PRKAR2B: variants seen among roughly 807,000 people sequenced by gnomAD.
The protein encoded by PRKAR2B is cAMP-dependent protein kinase type II-beta regulatory subunit.
A neutral mutation model predicts 49.9 loss-of-function variants in PRKAR2B; 14 were observed. That is an observed-to-expected ratio of 0.28 (90% CI 0.19 to 0.44). The LOEUF is 0.44. Among genes scored for constraint, PRKAR2B ranks in the 20% least tolerant of loss-of-function variants. PRKAR2B has a pLI of 1.00. For missense variants in PRKAR2B, 393 were observed against 537.9 expected (o/e 0.73, Z 2.67); for synonymous variants, 196 against 197.7 (o/e 0.99, Z 0.07).
At chr7:107,117,475 T>C (rs576852788) in intron 2 of PRKAR2B, among the ~76,000 whole-genome samples, 5 of 152,342 alleles carry the variant, frequency 3.3e-5, no homozygotes, top group East Asian at 3.9e-4. Flanking sequence ...CTGTGCAAAC[T>C]GTATTTGCCT....
intron 2 of PRKAR2B, chr7:107,082,090 T>C (rs1460276354): frequency 6.6e-6 from 1 of 152,234 alleles, no homozygotes; most frequent in East Asian, 1.9e-4. Flanking sequence ...AGTGGTAATC[T>C]GCAGGAGAAA....
chr7:107,048,746 TC>T, intron 1 of PRKAR2B, among the ~76,000 whole-genome samples: 1 of 152,172 alleles, frequency 6.6e-6, no homozygotes, highest in Non-Finnish European at 1.5e-5. Flanking sequence ...TTCCTACCTT[TC>T]CAAAGGATCC....
intron 2 of PRKAR2B, among the ~76,000 whole-genome samples, chr7:107,097,463 C>G (rs970687765): frequency 2.0e-5 from 3 of 152,108 alleles, no homozygotes; most frequent in Non-Finnish European, 2.9e-5. Context: ...TCTTTATCCA[C>G]TTTGTCAGTC....
intron 2 of PRKAR2B, among the ~76,000 whole-genome samples, chr7:107,100,686 T>C (rs1172535600): frequency 6.6e-6 from 1 of 152,202 alleles, no homozygotes; most frequent in East Asian, 1.9e-4. Flanking sequence ...TCATTCTTTT[T>C]TTCCGTTTTT....
intron 5 of PRKAR2B, among the ~76,000 whole-genome samples, chr7:107,144,209 C>G (rs1244721551): frequency 1.3e-5 from 2 of 151,882 alleles, no homozygotes; most frequent in Non-Finnish European, 2.9e-5. Flanking sequence ...CCTCAACCTC[C>G]CGAGTAGCTG....
chr7:107,155,417 C>T (rs747394625), intron 8 of PRKAR2B, among the ~76,000 whole-genome samples: 3 of 152,050 alleles, frequency 2.0e-5, no homozygotes, highest in East Asian at 1.9e-4. Flanking sequence ...TAAATAAATA[C>T]GGGTTCTAGA....
chr7:107,051,474 G>A (rs2116747475), intron 1 of PRKAR2B, among the ~76,000 whole-genome samples: 1 of 152,176 alleles, frequency 6.6e-6, no homozygotes. Flanking sequence ...AGTTGTGGTT[G>A]GGACAGTCAC....
chr7:107,065,618 A>C (rs1794122732), intron 1 of PRKAR2B, among the ~76,000 whole-genome samples: 1 of 152,064 alleles, frequency 6.6e-6, no homozygotes, highest in Non-Finnish European at 1.5e-5. Context: ...ACTAGACTTA[A>C]TAAGCTCTTC....
intron 2 of PRKAR2B, among the ~76,000 whole-genome samples, chr7:107,107,804 C>G (rs1024555574): frequency 6.6e-6 from 1 of 151,926 alleles, no homozygotes; most frequent in Admixed American, 6.6e-5. Context: ...ACTATAGGTG[C>G]GCGCCACCAT....
chr7:107,078,224 A>AGAAAG (rs1437527510), intron 2 of PRKAR2B: 1 of 152,454 alleles, frequency 6.6e-6, no homozygotes, highest in Non-Finnish European at 1.5e-5. Flanking sequence ...AAAAGAAAAA[A>AGAAAG]GAAAAGAAAA....
chr7:107,154,598 C>A (rs257371), intron 8 of PRKAR2B, among the ~76,000 whole-genome samples: 24,132 of 152,138 alleles, frequency 0.16, 2,113 homozygotes, highest in Middle Eastern at 0.2. Flanking sequence ...TACATATACA[C>A]CCTATATTCT....
rs1457846160 is a variant in PRKAR2B, at chr7:107,044,774, G to A, written c.-134G>A. 67 of 437,088 alleles carry A rather than the reference G, an allele frequency of 1.5e-4. No homozygotes were observed. The highest frequency in any genetic ancestry group is 2.0e-4 in the African/African-American group (9 of 46,144). The allele number at this position is 437,088 out of a possible 1,614,324, so 27.1% of individuals were successfully genotyped here. A position where few individuals can be genotyped will look rare whatever the true frequency, so the allele number is the denominator to read the frequency against. On this transcript the variant is annotated 5_prime_UTR_variant, in exon 1 of 11. Coordinates refer to ENST00000265717, the MANE Select transcript of PRKAR2B (RefSeq NM_002736.3). ...CGCGGGCCGGGCCAGCCGGGCCGCC[G>A]GGGCCCAGTGCGCCGCGCTCGCAGC... is the stretch of plus-strand genomic sequence containing the variant.
intron 1 of PRKAR2B, among the ~76,000 whole-genome samples, chr7:107,060,059 A>G (rs1793996056): frequency 2.2e-5 from 2 of 89,690 alleles, no homozygotes; most frequent in African/African-American, 1.3e-4. Context: ...TGGAAAATAT[A>G]GTTTTTTTAA....
chr7:107,060,023 T>TTGTTTACTTGTTTACAAGTAAAACA (rs1793995265), intron 1 of PRKAR2B, among the ~76,000 whole-genome samples: 1 of 148,978 alleles, frequency 6.7e-6, no homozygotes, highest in Admixed American at 6.8e-5. Flanking sequence ...AAAGTCATTC[T>TTGTTTACTTGTTTACAAGTAAAACA]AAATTTTACT....
intron 4 of PRKAR2B, among the ~76,000 whole-genome samples, chr7:107,134,702 T>G (rs1036125155): frequency 2.0e-5 from 3 of 152,210 alleles, no homozygotes; most frequent in African/African-American, 7.2e-5. Flanking sequence ...TATGGCCAAT[T>G]GATTTTCCCA....
intron 1 of PRKAR2B, among the ~76,000 whole-genome samples, chr7:107,066,301 G>GGGT (rs147673007): frequency 7.6e-5 from 11 of 145,604 alleles, no homozygotes; most frequent in African/African-American, 2.8e-4. Flanking sequence ...CTCTATGTGG[G>GGGT]GTGTGTGTGT....
intron 4 of PRKAR2B, among the ~76,000 whole-genome samples, chr7:107,139,450 A>G (rs1425365928): frequency 6.6e-6 from 1 of 152,176 alleles, no homozygotes; most frequent in Non-Finnish European, 1.5e-5. Flanking sequence ...GGCATTCTGT[A>G]TTAGGGTAGA....
At chr7:107,066,301 G>GGGTGT (rs147673007) in intron 1 of PRKAR2B, among the ~76,000 whole-genome samples, 66 of 145,604 alleles carry the variant, frequency 4.5e-4, no homozygotes, top group African/African-American at 1.7e-3. Context: ...CTCTATGTGG[G>GGGTGT]GTGTGTGTGT....
intron 2 of PRKAR2B, among the ~76,000 whole-genome samples, chr7:107,088,935 G>A (rs1396023408): frequency 2.6e-5 from 4 of 152,194 alleles, no homozygotes; most frequent in Admixed American, 1.3e-4. Context: ...TTGGGAGGCC[G>A]AGGTGGGTGG....
Sources: gnomAD v4.1 joint callset for allele counts (sites outside exome capture counted in the v4.1 genomes callset) on GRCh38, gnomAD v4.1.1 for gene constraint, MANE v1.5 for transcripts, NCBI Gene and HGNC (gene_info 2026-07-23, HGNC 2026-07-21) for gene names.